The following PRKCE variants were observed in gnomAD, a reference collection of about 807,000 sequenced individuals.
PRKCE encodes protein kinase C epsilon type.
In PRKCE, 16 loss-of-function variants were observed where a neutral mutation model predicts 85.4. The observed-to-expected ratio is 0.19, with a 90% CI of 0.13 to 0.28. PRKCE has a LOEUF of 0.28. Among genes scored for constraint, PRKCE ranks in the 10% least tolerant of loss-of-function variants. The pLI, the probability that PRKCE is intolerant of heterozygous loss-of-function variation, is 1.00. For missense variants in PRKCE, 573 were observed against 975.2 expected, an observed-to-expected ratio of 0.59 and a Z score of 5.49; for synonymous variants, 388 against 371.5, an observed-to-expected ratio of 1.04 and a Z score of -0.51.
intron 1 of PRKCE, among the ~76,000 whole-genome samples, chr2:45,781,952 A>G (rs1429528852): frequency 1.3e-5 from 2 of 152,154 alleles, no homozygotes; most frequent in Admixed American, 6.5e-5. Context: ...AATCCTAGAC[A>G]GGTTACATCC....
At chr2:46,009,380 C>G (rs1705470660) in intron 9 of PRKCE, among the ~76,000 whole-genome samples, 1 of 152,080 alleles carries the variant, frequency 6.6e-6, no homozygotes, top group South Asian at 2.1e-4. Context: ...CATAATTAGA[C>G]AAAGGAGACG....
intron 2 of PRKCE, among the ~76,000 whole-genome samples, chr2:45,940,231 T>C (rs190279348): frequency 2.2e-4 from 34 of 152,286 alleles, no homozygotes; most frequent in African/African-American, 7.0e-4. Flanking sequence ...TCTAGGAGTC[T>C]GGTGAGAGGC....
rs76141878 is a variant in PRKCE, at chr2:46,145,496, C to A, written c.1731+265C>A. 4.2e-4 allele frequency among the ~76,000 whole-genome samples: 64 copies of A among 152,302 alleles called. No individual in the cohort carries two copies. The East Asian group carries it at 0.012, about 29-fold the overall frequency. The stretch of plus-strand genomic sequence containing the variant: ...GCAAGTTCACACTGAACATCTCTTT[C>A]CCATCCTAGTCCAGAACCACCAATA... On this transcript the variant is annotated intron_variant, in intron 12 of 14. Transcript: ENST00000306156. The surrounding 1 kb of genome is among the most constrained non-coding windows in gnomAD (Gnocchi z 4.6).
chr2:46,045,522 A>T (rs1708469034), intron 10 of PRKCE, among the ~76,000 whole-genome samples: 1 of 152,214 alleles, frequency 6.6e-6, no homozygotes, highest in African/African-American at 2.4e-5. Flanking sequence ...TAGGATCTGC[A>T]TGTTGTTTTG....
At chr2:46,122,795 A>C (rs559157695) in intron 11 of PRKCE, among the ~76,000 whole-genome samples, 1 of 151,946 alleles carries the variant, frequency 6.6e-6, no homozygotes, top group East Asian at 1.9e-4. Flanking sequence ...TGAGGCTTCA[A>C]GTTTTAACAT....
chr2:45,971,240 G>T (rs1013624357), intron 2 of PRKCE, among the ~76,000 whole-genome samples: 1 of 152,128 alleles, frequency 6.6e-6, no homozygotes, highest in African/African-American at 2.4e-5. Flanking sequence ...AACCACGTTA[G>T]ATTCCTCATA....
chr2:45,654,666 G>A (rs1216860745), intron 1 of PRKCE, among the ~76,000 whole-genome samples: 3 of 152,196 alleles, frequency 2.0e-5, no homozygotes, highest in African/African-American at 7.2e-5. Flanking sequence ...ATTAGGTATG[G>A]CAGGTATTGG....
chr2:45,865,424 A>G (rs1693513383), intron 2 of PRKCE, among the ~76,000 whole-genome samples: 1 of 152,220 alleles, frequency 6.6e-6, no homozygotes, highest in South Asian at 2.1e-4. Flanking sequence ...GGTTGAGAAT[A>G]TCTCTCTTAA....
intron 10 of PRKCE, among the ~76,000 whole-genome samples, chr2:46,011,738 T>G (rs1000568025): frequency 2.6e-5 from 4 of 152,146 alleles, no homozygotes; most frequent in African/African-American, 9.7e-5. Flanking sequence ...TTTCCGAACT[T>G]ATTTGATCCC....
intron 5 of PRKCE, 111 bp downstream of exon 5, chr2:45,980,492 C>T: frequency 3.0e-6 from 3 of 1,001,562 alleles, no homozygotes; most frequent in Non-Finnish European, 4.5e-6. Flanking sequence ...CCTGTCATTT[C>T]ATTGTGTTGA....
chr2:46,010,079 A>G (rs1280864921), intron 9 of PRKCE, among the ~76,000 whole-genome samples: 2 of 152,244 alleles, frequency 1.3e-5, no homozygotes, highest in Non-Finnish European at 2.9e-5. Flanking sequence ...ATTGTAGAAT[A>G]GGAAGTTTTC....
chr2:45,790,675 C>T (rs962000117), intron 1 of PRKCE, among the ~76,000 whole-genome samples: 4 of 152,170 alleles, frequency 2.6e-5, no homozygotes, highest in Non-Finnish European at 5.9e-5. Context: ...CTTGGGTAAC[C>T]CTTCACGTTT....
intron 2 of PRKCE, among the ~76,000 whole-genome samples, chr2:45,894,012 G>C (rs573387030): frequency 6.6e-6 from 1 of 152,240 alleles, no homozygotes; most frequent in South Asian, 2.1e-4. Context: ...ATGTACCCCA[G>C]ATTAAAGAGG....
chr2:45,886,423 G>C (rs1039115329), intron 2 of PRKCE, among the ~76,000 whole-genome samples: 5 of 152,208 alleles, frequency 3.3e-5, no homozygotes, highest in African/African-American at 1.2e-4. Context: ...TTTGCTTAGA[G>C]GGGACTTGGC....
chr2:46,181,775 G>C (rs995755300), intron 14 of PRKCE, among the ~76,000 whole-genome samples: 1 of 152,222 alleles, frequency 6.6e-6, no homozygotes, highest in African/African-American at 2.4e-5. Context: ...TTCATACACA[G>C]GTTCCCCTCA....
intron 1 of PRKCE, among the ~76,000 whole-genome samples, chr2:45,688,251 C>T (rs1364589095): frequency 1.3e-5 from 2 of 151,962 alleles, no homozygotes; most frequent in Non-Finnish European, 2.9e-5. Flanking sequence ...TAATTAATGG[C>T]TGGGCAGGTA....
At chr2:45,733,911 CATTCAT>C (rs1416103206) in intron 1 of PRKCE, among the ~76,000 whole-genome samples, 2 of 152,186 alleles carry the variant, frequency 1.3e-5, no homozygotes, top group East Asian at 1.9e-4. Context: ...GTGCACATGG[CATTCAT>C]TGTGTAGCAG....
intron 1 of PRKCE, among the ~76,000 whole-genome samples, chr2:45,830,161 G>A (rs955935174): frequency 6.6e-6 from 1 of 152,020 alleles, no homozygotes; most frequent in Admixed American, 6.6e-5. Flanking sequence ...AGCATTGTGG[G>A]TATTACTCTC....
chr2:45,690,058 C>T (rs1677610570), intron 1 of PRKCE, among the ~76,000 whole-genome samples: 1 of 152,194 alleles, frequency 6.6e-6, no homozygotes, highest in South Asian at 2.1e-4. Flanking sequence ...ATCATGCACA[C>T]TATCCTGCTT....
Sources: gnomAD v4.1 joint callset for allele counts (sites outside exome capture counted in the v4.1 genomes callset) on GRCh38, gnomAD v4.1.1 for gene constraint, Gnocchi (gnomAD v3.1) non-coding constraint, MANE v1.5 for transcripts, NCBI Gene and HGNC (gene_info 2026-07-23, HGNC 2026-07-21) for gene names.